IFT52: variants seen among roughly 807,000 people sequenced by gnomAD.
IFT52 encodes the protein intraflagellar transport protein 52 homolog.
A neutral mutation model predicts 54.4 loss-of-function variants in IFT52; 44 were observed. That is an observed-to-expected ratio of 0.81 (90% confidence interval 0.63 to 1.04). The LOEUF (loss-of-function observed/expected upper bound fraction) is 1.04. Among genes scored for constraint, IFT52 ranks in the 50% least tolerant of loss-of-function variants. The pLI is 0.00. For synonymous variants in IFT52, 181 were observed against 185.3 expected, an observed-to-expected ratio of 0.98 and a Z score of 0.19; for missense variants, 452 against 523.6, an observed-to-expected ratio of 0.86 and a Z score of 1.33.
intron 8 of IFT52, 61 bp downstream of exon 8, chr20:43,619,087 AAAT>A (rs1448736765): frequency 7.7e-6 from 9 of 1,169,012 alleles, no homozygotes; most frequent in Admixed American, 1.9e-5. Flanking sequence ...TCATTTAAAA[AAAT>A]ACTGGTAAGT....
In IFT52 at chr20:43,605,026, G is replaced by T. The variant is rs749052526; in HGVS notation, c.438G>T (p.Lys146Asn). The T allele has an allele frequency of 6.2e-7, 1 of 1,613,620 alleles. No homozygotes were observed. The highest frequency in any genetic ancestry group is 1.1e-5 in the South Asian group (1 of 90,980). The change falls in exon 6 of 14, where the codon AAG becomes AAT. Residue 146 changes from lysine (K) to asparagine (N), a missense_variant. Coordinates refer to ENST00000373030, the MANE Select transcript of IFT52 (RefSeq NM_016004.5). ...LNREISRAAG[K>N]AVPGIIDEES... ...GGGAAATTAGCCGAGCTGCAGGAAAGGCTGTGCCTGGGATCATTGATGAGG... is the reference window on the plus strand; with the variant it reads ...GGGAAATTAGCCGAGCTGCAGGAAATGCTGTGCCTGGGATCATTGATGAGG...
At chr20:43,598,982 T>C (rs1982216922) in intron 3 of IFT52, among the ~76,000 whole-genome samples, 1 of 152,038 alleles carries the variant, frequency 6.6e-6, no homozygotes, top group African/African-American at 2.4e-5. Flanking sequence ...CTGGGGAGCA[T>C]TTCTAGTGCA....
chr20:43,609,591 G>A (rs2145611728), intron 6 of IFT52, among the ~76,000 whole-genome samples: 1 of 152,064 alleles, frequency 6.6e-6, no homozygotes, highest in African/African-American at 2.4e-5. Flanking sequence ...GACCAACATG[G>A]TGAAACCCCA....
chr20:43,620,127 G>T (rs1229072639), intron 8 of IFT52, among the ~76,000 whole-genome samples: 1 of 151,686 alleles, frequency 6.6e-6, no homozygotes, highest in East Asian at 2.0e-4. Context: ...ATGTTGGCCA[G>T]GCTGGTCTCG....
chr20:43,646,104 G>A (rs1448597682), intron 13 of IFT52, among the ~76,000 whole-genome samples: 1 of 151,478 alleles, frequency 6.6e-6, no homozygotes, highest in East Asian at 1.9e-4. Context: ...CCAGCTACTC[G>A]GGAGGCTGGG....
chr20:43,627,904 TAG>T (rs34658714), intron 10 of IFT52, among the ~76,000 whole-genome samples: 14,357 of 74,730 alleles, frequency 0.19, 3,752 homozygotes, highest in Middle Eastern at 0.28. Context: ...CATATATATA[TAG>T]AGAGAGAGAG....
intron 10 of IFT52, 112 bp downstream of exon 10, chr20:43,624,157 A>G (rs1984551980): frequency 7.9e-6 from 9 of 1,145,470 alleles, no homozygotes; most frequent in Admixed American, 2.0e-5. Flanking sequence ...CATGCAGAAC[A>G]TGTTCTCAGA....
chr20:43,635,116 C>T (rs1388966978), intron 10 of IFT52, among the ~76,000 whole-genome samples: 2 of 150,958 alleles, frequency 1.3e-5, no homozygotes, highest in Admixed American at 6.6e-5. Flanking sequence ...TGCAGTGAGC[C>T]GAGATCGCGC....
At chr20:43,624,156 C>T in intron 10 of IFT52, 111 bp downstream of exon 10, 2 of 1,170,948 alleles carry the variant, frequency 1.7e-6, no homozygotes, top group Non-Finnish European at 2.5e-6. Context: ...GCATGCAGAA[C>T]ATGTTCTCAG....
chr20:43,599,861 C>T (rs1249745400), intron 3 of IFT52, among the ~76,000 whole-genome samples: 3 of 152,122 alleles, frequency 2.0e-5, no homozygotes, highest in Non-Finnish European at 4.4e-5. Context: ...GTGGCTGAGA[C>T]GAGTATTTTC....
chr20:43,637,046 A>C, intron 11 of IFT52, 99 bp from the exon 12 acceptor site: 1 of 766,140 alleles, frequency 1.3e-6, no homozygotes, highest in Non-Finnish European at 2.2e-6. Flanking sequence ...GTGTCTTATC[A>C]CTGTTAGTTA....
rs1417020847 is a variant in IFT52, at chr20:43,645,320, G to A, written c.1267-1616G>A. Among the ~76,000 whole-genome samples the A allele has an allele frequency of 3.4e-5, 2 of 58,204 alleles. 1 individual carries two copies. Among genetic ancestry groups the A allele is most frequent in the Non-Finnish European group, 8.2e-5 (2 of 24,350 alleles). 38.2% of individuals were successfully genotyped at this position (58,204 alleles called of 152,430 possible). ...TGTAATTAATCCCAGCACTTTGGGA[G>A]GCCAAGGCAGGTGGATCACGAGGTC... On this transcript the variant is annotated intron_variant, in intron 13 of 13. Transcript: ENST00000373030.
intron 10 of IFT52, among the ~76,000 whole-genome samples, chr20:43,635,620 C>A (rs910300843): frequency 6.6e-6 from 1 of 152,108 alleles, no homozygotes; most frequent in Non-Finnish European, 1.5e-5. Context: ...TTTATGGCTG[C>A]GTAGTATTCA....
At chr20:43,623,584 G>T (rs1056694072) in intron 9 of IFT52, among the ~76,000 whole-genome samples, 1 of 152,192 alleles carries the variant, frequency 6.6e-6, no homozygotes, top group South Asian at 2.1e-4. Context: ...GAGCGCTCAA[G>T]ATCAGAGATC....
In IFT52 at chr20:43,614,119, C is replaced by T. The variant is rs562992269; in HGVS notation, c.612+143C>T. Reference sequence around the variant, plus strand: ...TGCAAAGTAGCATTTCAGCTATATACATTTTGCTTATGGGGAAACAGTGGA... The same window carrying T: ...TGCAAAGTAGCATTTCAGCTATATATATTTTGCTTATGGGGAAACAGTGGA... On this transcript the variant is annotated intron_variant, in intron 7 of 13. Transcript: ENST00000373030. The T allele has an allele frequency of 2.2e-5, 16 of 717,806 alleles. No individual in the cohort carries two copies. The Admixed American group carries it at 2.9e-4, about 13-fold the overall frequency. 44.5% of individuals were successfully genotyped at this position (717,806 alleles called of 1,614,324 possible). A position where few individuals can be genotyped will look rare whatever the true frequency, so the allele number is the denominator to read the frequency against.
At chr20:43,610,729 A>T (rs907360416) in intron 6 of IFT52, among the ~76,000 whole-genome samples, 3 of 149,844 alleles carry the variant, frequency 2.0e-5, no homozygotes, top group Non-Finnish European at 4.4e-5. Context: ...ACAGAGCGAG[A>T]CTCCGTCTCA....
At chr20:43,610,897 A>T (rs1055521170) in intron 6 of IFT52, among the ~76,000 whole-genome samples, 1 of 152,220 alleles carries the variant, frequency 6.6e-6, no homozygotes, top group African/African-American at 2.4e-5. Context: ...CCCAAGGCAT[A>T]GTAACTGTTA....
chr20:43,614,652 A>G (rs1349557137), intron 7 of IFT52, among the ~76,000 whole-genome samples: 1 of 152,042 alleles, frequency 6.6e-6, no homozygotes, highest in African/African-American at 2.4e-5. Context: ...TGGAGTTAAC[A>G]TATTACACAA....
At chr20:43,639,611 G>A (rs754984046) in intron 12 of IFT52, among the ~76,000 whole-genome samples, 17 of 152,088 alleles carry the variant, frequency 1.1e-4, no homozygotes, top group East Asian at 9.7e-4. Flanking sequence ...TGGAAGTTGC[G>A]GTGAGCCGAG....
Sources: gnomAD v4.1 joint callset for allele counts (sites outside exome capture counted in the v4.1 genomes callset) on GRCh38, gnomAD v4.1.1 for gene constraint, MANE v1.5 for transcripts, NCBI Gene and HGNC (gene_info 2026-07-23, HGNC 2026-07-21) for gene names.